Variants in FHL5 observed in about 807,000 individuals in gnomAD.
FHL5 encodes four and a half LIM domains protein 5.
In FHL5, 33 loss-of-function variants were observed where a neutral mutation model predicts 32.0. The observed-to-expected ratio is 1.03, with a 90% CI of 0.78 to 1.38. The LOEUF (loss-of-function observed/expected upper bound fraction) is 1.38. Ranked by LOEUF, FHL5 falls within the 40% of genes most tolerant of loss-of-function variation. FHL5 has a pLI of 0.00. For missense variants in FHL5, 336 were observed against 343.9 expected, an observed-to-expected ratio of 0.98 and a Z score of 0.18; for synonymous variants, 114 against 113.6, an observed-to-expected ratio of 1.00 and a Z score of -0.02.
chr6:96,567,758 T>A (rs1770388987), intron 1 of FHL5, among the ~76,000 whole-genome samples: 1 of 127,714 alleles, frequency 7.8e-6, no homozygotes, highest in Admixed American at 7.3e-5. Flanking sequence ...ATAAATGCAA[T>A]TTGTTTCTTG....
intron 1 of FHL5, among the ~76,000 whole-genome samples, chr6:96,578,214 C>G (rs1015066913): frequency 2.6e-5 from 4 of 152,174 alleles, no homozygotes; most frequent in Non-Finnish European, 5.9e-5. Flanking sequence ...CTCTTCCCCT[C>G]CTTTCCTCTT....
rs757505192 is a variant in FHL5, at chr6:96,603,661, T to C, written c.48T>C (p.Leu16=). The change falls in exon 2 of 6, where the codon CTT becomes CTC. Residue 16 remains leucine (L), a synonymous_variant. Coordinates refer to ENST00000450218, the MANE Select transcript of FHL5 (RefSeq NM_001322466.2). The part of the protein sequence containing the change: ...FYCQYCTASL[L]GKKYVLKDDS... ...GTCAATACTGCACAGCATCACTTCTTGGGAAGAAATATGTACTAAAGGATG... is the reference window on the plus strand; with the variant it reads ...GTCAATACTGCACAGCATCACTTCTCGGGAAGAAATATGTACTAAAGGATG... 6.8e-6 allele frequency: 11 copies of C among 1,613,162 alleles called. No individual in the cohort carries two copies. The highest frequency in any genetic ancestry group is 1.7e-5 in the Admixed American group (1 of 59,938).
Position 96,617,931 on chromosome 6 carries a change from A to G in FHL5, c.*2159A>G, listed in dbSNP as rs1336550891. Reference sequence around the variant, plus strand: ...GTTCTGCATTTAGAAGGTATCCTACACATCAAACATCCATTAAACATGTAC... The same window carrying G: ...GTTCTGCATTTAGAAGGTATCCTACGCATCAAACATCCATTAAACATGTAC... On this transcript the variant is annotated 3_prime_UTR_variant, in exon 6 of 6. Coordinates refer to ENST00000450218, the MANE Select transcript of FHL5 (RefSeq NM_001322466.2). 1.3e-5 allele frequency among the ~76,000 whole-genome samples: 2 copies of G among 152,194 alleles called. No individual in the cohort carries two copies. The highest frequency in any genetic ancestry group is 2.4e-5 in the African/African-American group (1 of 41,448).
chr6:96,613,298 G>A (rs1771451863), intron 5 of FHL5, among the ~76,000 whole-genome samples: 1 of 152,142 alleles, frequency 6.6e-6, no homozygotes, highest in African/African-American at 2.4e-5. Flanking sequence ...ATCACCAAGT[G>A]TAATTTTTAA....
At position 96,579,210 on chromosome 6, in the gene FHL5, C is replaced by G. The variant is rs1022640188; in HGVS notation, c.-13+15855C>G. ...ATCATGAAAAAATGAATTTTGCTAC[C>G]TTCCTTAATTGTCTCTTTATCATAC... On this transcript the variant is annotated intron_variant, in intron 1 of 5. Coordinates refer to ENST00000450218, the MANE Select transcript of FHL5 (RefSeq NM_001322466.2). Among the ~76,000 whole-genome samples, 3 of 152,108 alleles carry G rather than the reference C, an allele frequency of 2.0e-5. No homozygotes were observed. The South Asian group carries it at 6.2e-4, about 31-fold the overall frequency.
chr6:96,591,661 G>T (rs1488697819), intron 1 of FHL5, among the ~76,000 whole-genome samples: 1 of 151,922 alleles, frequency 6.6e-6, no homozygotes, highest in Non-Finnish European at 1.5e-5. Context: ...TGAGAAGTAG[G>T]TATCCTCAAT....
Position 96,617,058 on chromosome 6 carries a change from A to G in FHL5, c.*1286A>G, listed in dbSNP as rs1771537226. On this transcript the variant is annotated 3_prime_UTR_variant, in exon 6 of 6. Transcript: ENST00000450218. Reference sequence around the variant, plus strand: ...TGTTTATTGATCACACAGGAAGTAAAGAGCCTTAGTGAGAAGTCCATCACC... The same window carrying G: ...TGTTTATTGATCACACAGGAAGTAAGGAGCCTTAGTGAGAAGTCCATCACC... Among the ~76,000 whole-genome samples the G allele has an allele frequency of 6.6e-6, 1 of 152,176 alleles. No individual in the cohort carries two copies.
chr6:96,607,092 CT>C (rs1771299209), intron 4 of FHL5, among the ~76,000 whole-genome samples: 1 of 152,016 alleles, frequency 6.6e-6, no homozygotes, highest in African/African-American at 2.4e-5. Context: ...TCATCCAATT[CT>C]TTTTTTATCC....
intron 1 of FHL5, among the ~76,000 whole-genome samples, chr6:96,575,143 G>T (rs868423679): frequency 6.6e-6 from 1 of 151,984 alleles, no homozygotes; most frequent in South Asian, 2.1e-4. Flanking sequence ...TTTAACATCC[G>T]GTTAACGAAA....
At chr6:96,569,027 A>G (rs1386670524) in intron 1 of FHL5, among the ~76,000 whole-genome samples, 1 of 151,696 alleles carries the variant, frequency 6.6e-6, no homozygotes, top group African/African-American at 2.4e-5. Context: ...CTTGAAGTGC[A>G]TCATGAGCTT....
intron 1 of FHL5, among the ~76,000 whole-genome samples, chr6:96,592,939 A>G (rs1251142932): frequency 2.6e-5 from 4 of 152,134 alleles, no homozygotes; most frequent in Non-Finnish European, 5.9e-5. Flanking sequence ...GTATTTTGTC[A>G]GTTTTGGAAG....
At chr6:96,573,201 A>T (rs1191024363) in intron 1 of FHL5, among the ~76,000 whole-genome samples, 1 of 152,200 alleles carries the variant, frequency 6.6e-6, no homozygotes, top group African/African-American at 2.4e-5. Context: ...AATTTTCTTT[A>T]TATCATGAAA....
intron 1 of FHL5, among the ~76,000 whole-genome samples, chr6:96,581,993 C>A (rs887139692): frequency 3.3e-4 from 50 of 152,256 alleles, no homozygotes; most frequent in African/African-American, 1.2e-3. Context: ...TGAGCCTATG[C>A]TGAATACTTT....
At chr6:96,573,813 G>A (rs190154984) in intron 1 of FHL5, among the ~76,000 whole-genome samples, 7 of 151,730 alleles carry the variant, frequency 4.6e-5, no homozygotes, top group South Asian at 2.1e-4. Context: ...GAACCACCGC[G>A]TCTGGCCCAA....
intron 1 of FHL5, among the ~76,000 whole-genome samples, chr6:96,602,917 G>A (rs1262615063): frequency 6.6e-6 from 1 of 152,150 alleles, no homozygotes; most frequent in African/African-American, 2.4e-5. Context: ...CCTACCTGCT[G>A]AGGAGTTTTA....
At chr6:96,572,922 T>G (rs1346198827) in intron 1 of FHL5, among the ~76,000 whole-genome samples, 3 of 152,212 alleles carry the variant, frequency 2.0e-5, no homozygotes, top group Non-Finnish European at 2.9e-5. Flanking sequence ...AGTTTTAAAA[T>G]GCAGCTGCTT....
chr6:96,606,154 C>A, intron 4 of FHL5, 83 bp downstream of exon 4: 3 of 1,166,588 alleles, frequency 2.6e-6, no homozygotes, highest in Non-Finnish European at 3.7e-6. Context: ...TGAACTGATA[C>A]TATTATGTTA....
chr6:96,594,831 A>G (rs936398716), intron 1 of FHL5, among the ~76,000 whole-genome samples: 2 of 152,000 alleles, frequency 1.3e-5, no homozygotes, highest in African/African-American at 4.8e-5. Flanking sequence ...ATGACTTATT[A>G]TTAAAATTTT....
intron 1 of FHL5, among the ~76,000 whole-genome samples, chr6:96,599,648 T>G (rs921109671): frequency 7.9e-5 from 12 of 152,204 alleles, no homozygotes; most frequent in African/African-American, 2.9e-4. Flanking sequence ...CACCTCTAAA[T>G]AAACCTTCTA....
Sources: gnomAD v4.1 joint callset for allele counts (sites outside exome capture counted in the v4.1 genomes callset) on GRCh38, gnomAD v4.1.1 for gene constraint, MANE v1.5 for transcripts, NCBI Gene and HGNC (gene_info 2026-07-23, HGNC 2026-07-21) for gene names.